Variants in RRBP1 observed in about 807,000 individuals in gnomAD.
The protein encoded by RRBP1 is ribosome-binding protein 1.
A neutral mutation model predicts 165.2 loss-of-function variants in RRBP1; 94 were observed. That is an observed-to-expected ratio of 0.57 (90% confidence interval 0.48 to 0.68). The LOEUF is 0.68. Among genes scored for constraint, RRBP1 ranks in the 30% least tolerant of loss-of-function variants. RRBP1 has a pLI of 0.00. For synonymous variants in RRBP1, 680 were observed against 714.5 expected (o/e 0.95, Z 0.77); for missense variants, 1,676 against 1,763.0 (o/e 0.95, Z 0.88).
rs1260545404 is a variant in RRBP1, at chr20:17,658,959, T to G, written c.1549A>C (p.Asn517His). Residue 517 changes from asparagine (N) to histidine (H), a missense_variant, in exon 3 of 25, where the codon AAT becomes CAT. Physicochemically the swap from Asn to His is moderately conservative, Grantham distance 68. This residue lies in a region of RRBP1 where 1,184 missense variants were observed against 1,167.1 expected (regional missense o/e 1.01). Transcript: ENST00000377813. ...NQGQKGEGAQ[N>H]QGKKTEGAQG... ...GCCCCTTCTGTCTTTTTACCCTGAT[T>G]CTGGGCTCCCTCTCCTTTTTGGCCC... 1 of 1,612,742 alleles carries G rather than the reference T, an allele frequency of 6.2e-7. No individual in the cohort carries two copies. The highest frequency in any genetic ancestry group is 8.5e-7 in the Non-Finnish European group (1 of 1,179,786).
intron 3 of RRBP1, among the ~76,000 whole-genome samples, chr20:17,646,324 C>T (rs1173333179): frequency 6.6e-6 from 1 of 152,212 alleles, no homozygotes; most frequent in Non-Finnish European, 1.5e-5. Context: ...ATGAATGAAA[C>T]CACTGTACAG....
intron 2 of RRBP1, among the ~76,000 whole-genome samples, chr20:17,668,057 T>C (rs1324365186): frequency 1.3e-5 from 2 of 152,274 alleles, no homozygotes; most frequent in East Asian, 1.9e-4. Flanking sequence ...TTAAGATCCA[T>C]TTCTGGGGTT....
At chr20:17,672,968 C>G (rs2037006087) in intron 2 of RRBP1, among the ~76,000 whole-genome samples, 1 of 152,134 alleles carries the variant, frequency 6.6e-6, no homozygotes, top group Non-Finnish European at 1.5e-5. Context: ...GTATTCCCTG[C>G]CCACGATGGG....
At chr20:17,670,045 G>A (rs75873861) in intron 2 of RRBP1, among the ~76,000 whole-genome samples, 6,898 of 152,166 alleles carry the variant, frequency 0.045, 522 homozygotes, top group African/African-American at 0.16. Flanking sequence ...TCTTTAGTGT[G>A]AGATTTACTA....
At chr20:17,617,666 G>A (rs1033377351) in intron 20 of RRBP1, among the ~76,000 whole-genome samples, 112 of 152,386 alleles carry the variant, frequency 7.3e-4, no homozygotes, top group African/African-American at 2.4e-3. Context: ...CCTAGACACA[G>A]GAGGAGACCT....
intron 5 of RRBP1, chr20:17,641,358 T>C: frequency 5.6e-6 from 1 of 177,666 alleles, no homozygotes; most frequent in Non-Finnish European, 1.2e-5. Flanking sequence ...GAGCAGCCCC[T>C]CCAGTCCCCT....
chr20:17,620,631 A>G (rs763732969), intron 17 of RRBP1, 84 bp downstream of exon 17: 5 of 1,060,654 alleles, frequency 4.7e-6, no homozygotes, highest in Non-Finnish European at 7.1e-6. Flanking sequence ...CACGAGTCTC[A>G]CAGGTGACAG....
At chr20:17,679,857 G>A (rs1440833446) in intron 2 of RRBP1, 142 bp downstream of exon 2, 2 of 137,472 alleles carry the variant, frequency 1.5e-5, no homozygotes, top group Admixed American at 7.0e-5. Context: ...ATAGTGCCTA[G>A]AGCTCTAAAC....
intron 4 of RRBP1, 67 bp downstream of exon 4, chr20:17,642,909 AGGG>A: frequency 6.6e-7 from 1 of 1,512,490 alleles, no homozygotes; most frequent in Non-Finnish European, 9.1e-7. Context: ...TCTGTGGCAG[AGGG>A]AAGGGCAAAA....
intron 2 of RRBP1, among the ~76,000 whole-genome samples, chr20:17,678,623 A>T (rs1366726532): frequency 6.6e-6 from 1 of 152,242 alleles, no homozygotes; most frequent in Non-Finnish European, 1.5e-5. Context: ...CTGCCTCTAC[A>T]TCAGCACTGT....
At chr20:17,634,193 A>T (rs2036205518) in intron 7 of RRBP1, among the ~76,000 whole-genome samples, 1 of 152,262 alleles carries the variant, frequency 6.6e-6, no homozygotes, top group South Asian at 2.1e-4. Context: ...TTTCCAGCGT[A>T]AGGCGTGTGA....
intron 2 of RRBP1, among the ~76,000 whole-genome samples, chr20:17,665,440 T>C (rs899113549): frequency 6.6e-6 from 1 of 152,308 alleles, no homozygotes; most frequent in South Asian, 2.1e-4. Flanking sequence ...GGCATGATCC[T>C]GGCTCACTGC....
At chr20:17,660,587 TC>T in intron 2 of RRBP1, 59 bp from the exon 3 acceptor site, 1 of 1,009,642 alleles carries the variant, frequency 9.9e-7, no homozygotes, top group Non-Finnish European at 1.5e-6. Flanking sequence ...ACAGTTTCTA[TC>T]CCCACCCTAC....
At chr20:17,639,659 C>T (rs1258770513) in intron 5 of RRBP1, among the ~76,000 whole-genome samples, 7 of 152,092 alleles carry the variant, frequency 4.6e-5, no homozygotes, top group African/African-American at 1.4e-4. Flanking sequence ...TTTGGGAGGC[C>T]GAGGTGGGCG....
At chr20:17,626,651 C>G (rs185410758) in intron 11 of RRBP1, among the ~76,000 whole-genome samples, 293 of 152,302 alleles carry the variant, frequency 1.9e-3, no homozygotes, top group African/African-American at 6.9e-3. Flanking sequence ...CTAGCCACGG[C>G]GGCCAGGACC....
At chr20:17,664,491 A>C (rs2036830296) in intron 2 of RRBP1, among the ~76,000 whole-genome samples, 1 of 152,228 alleles carries the variant, frequency 6.6e-6, no homozygotes, top group Non-Finnish European at 1.5e-5. Context: ...TGAAGGCCCC[A>C]AGAGGGAAGG....
chr20:17,660,243 C>A lies in RRBP1; in HGVS notation c.265G>T (p.Ala89Ser). 1 of 1,612,010 alleles carries A rather than the reference C, an allele frequency of 6.2e-7. No homozygotes were observed. The highest frequency in any genetic ancestry group is 8.5e-7 in the Non-Finnish European group (1 of 1,178,854). ...PNGKIPDHDP[A>S]PNVTVLLREP... is the part of the protein sequence containing the mutation. ...CGAAGGAGGACAGTCACATTGGGGGCTGGATCATGATCAGGTATCTTCCCA... is the reference window on the plus strand; with the variant it reads ...CGAAGGAGGACAGTCACATTGGGGGATGGATCATGATCAGGTATCTTCCCA... Residue 89 changes from alanine to serine, a missense_variant, in exon 3 of 25, where the codon GCC becomes TCC. By Grantham distance (99) the Ala-to-Ser change is moderately conservative. This residue lies in a region of RRBP1 where 392 missense variants were observed against 382.5 expected (regional missense o/e 1.02). Coordinates refer to ENST00000377813, the MANE Select transcript of RRBP1 (RefSeq NM_001365613.2).
intron 5 of RRBP1, 101 bp downstream of exon 5, chr20:17,641,696 C>T (rs567822349): frequency 5.6e-6 from 8 of 1,422,090 alleles, no homozygotes; most frequent in African/African-American, 1.4e-5. Context: ...ACGTTCCAGG[C>T]AGGCCCCAGC....
At chr20:17,629,759 C>A in intron 9 of RRBP1, 64 bp downstream of exon 9, 2 of 1,521,172 alleles carry the variant, frequency 1.3e-6, no homozygotes, top group Middle Eastern at 2.3e-4. Flanking sequence ...GGCAGTGGGG[C>A]TGGGCCGGCA....
Sources: allele counts gnomAD v4.1 joint callset (sites outside exome capture counted in the v4.1 genomes callset), GRCh38; gene constraint gnomAD v4.1.1; regional missense constraint gnomAD v4.1.1; transcripts MANE v1.5; gene names NCBI Gene and HGNC (gene_info 2026-07-23, HGNC 2026-07-21).